The following SGCZ variants were observed in gnomAD, a reference collection of about 807,000 sequenced individuals.
SGCZ encodes the protein zeta-sarcoglycan.
In SGCZ, 40 loss-of-function variants were observed where a neutral mutation model predicts 41.3. The ratio of observed to expected loss-of-function variants is 0.97; its 90% CI spans 0.75 to 1.26. SGCZ has a LOEUF of 1.26. SGCZ is among the 50% of genes most tolerant of loss of function. The probability of loss-of-function intolerance (pLI) is 0.00; values close to 1 mark genes in which losing one functional copy is unlikely to be tolerated. For synonymous variants in SGCZ, 206 were observed against 137.5 expected (o/e 1.50, Z -3.49); for missense variants, 552 against 369.8 (o/e 1.49, Z -4.04).
chr8:14,533,208 T>C (rs907572786), intron 2 of SGCZ, among the ~76,000 whole-genome samples: 1 of 151,252 alleles, frequency 6.6e-6, no homozygotes, highest in Non-Finnish European at 1.5e-5. Flanking sequence ...AGTGTTCTCA[T>C]TGTTCAATTC....
At chr8:14,472,127 C>T (rs1156384101) in intron 2 of SGCZ, among the ~76,000 whole-genome samples, 3 of 152,004 alleles carry the variant, frequency 2.0e-5, no homozygotes, top group African/African-American at 2.4e-5. Flanking sequence ...ATAGGTCTTA[C>T]TATATGAATT....
intron 1 of SGCZ, among the ~76,000 whole-genome samples, chr8:14,794,843 C>T (rs777327802): frequency 2.0e-5 from 3 of 152,140 alleles, no homozygotes; most frequent in African/African-American, 7.2e-5. Flanking sequence ...GATTTCTGAA[C>T]AGGAACACTA....
At chr8:14,934,228 C>G (rs1015886891) in intron 1 of SGCZ, among the ~76,000 whole-genome samples, 1 of 151,706 alleles carries the variant, frequency 6.6e-6, no homozygotes, top group Non-Finnish European at 1.5e-5. Flanking sequence ...AGGGCACCAC[C>G]GCATGAAAAC....
At chr8:15,179,184 G>GGTTATTTATTT (rs1410616681) in intron 1 of SGCZ, among the ~76,000 whole-genome samples, 13 of 152,088 alleles carry the variant, frequency 8.5e-5, no homozygotes, top group Non-Finnish European at 1.5e-5. Flanking sequence ...TTTAAGTAAA[G>GGTTATTTATTT]ATTCTTATTA....
At chr8:14,480,729 T>G (rs1172367935) in intron 2 of SGCZ, among the ~76,000 whole-genome samples, 1 of 152,082 alleles carries the variant, frequency 6.6e-6, no homozygotes, top group Non-Finnish European at 1.5e-5. Context: ...GACTATATTC[T>G]TTATAATGAC....
rs549923204 is a variant in SGCZ, at chr8:14,439,627, TA to T, written c.234+115104del. On this transcript the variant is annotated intron_variant, in intron 2 of 7. Transcript: ENST00000382080. The stretch of plus-strand genomic sequence containing the variant: ...CATGAATGCAAGCTTAGCTCCATAT[TA>T]AAAAAATCAATCAATATAATCCGTA... Among the ~76,000 whole-genome samples, 4 of 151,838 alleles carry T rather than the reference TA, an allele frequency of 2.6e-5. No individual in the cohort carries two copies. In the South Asian group the frequency reaches 8.3e-4, roughly 32 times the overall value.
At chr8:14,364,864 A>T (rs1230026867) in intron 2 of SGCZ, among the ~76,000 whole-genome samples, 2 of 152,122 alleles carry the variant, frequency 1.3e-5, no homozygotes, top group Non-Finnish European at 2.9e-5. Context: ...TCATATAGTC[A>T]AGTCTAACAC....
intron 2 of SGCZ, among the ~76,000 whole-genome samples, chr8:14,336,639 G>C (rs1802516708): frequency 6.6e-6 from 1 of 152,046 alleles, no homozygotes; most frequent in Non-Finnish European, 1.5e-5. Context: ...ATTCTGGCTG[G>C]TGTGAGATGA....
At chr8:15,208,763 G>C (rs940408052) in intron 1 of SGCZ, among the ~76,000 whole-genome samples, 1 of 152,006 alleles carries the variant, frequency 6.6e-6, no homozygotes, top group Non-Finnish European at 1.5e-5. Context: ...TAATGCCTCA[G>C]TTGGCTCACA....
intron 5 of SGCZ, among the ~76,000 whole-genome samples, chr8:14,149,798 A>G (rs902072135): frequency 6.6e-6 from 1 of 152,154 alleles, no homozygotes; most frequent in Non-Finnish European, 1.5e-5. Flanking sequence ...TACAGCAACA[A>G]AAGTAGCATG....
At chr8:15,071,676 G>A (rs568605866) in intron 1 of SGCZ, among the ~76,000 whole-genome samples, 1 of 152,244 alleles carries the variant, frequency 6.6e-6, no homozygotes, top group South Asian at 2.1e-4. Context: ...ATGTAATGGT[G>A]TAATTTTTGT....
At chr8:14,238,598 T>C (rs867693850) in intron 3 of SGCZ, among the ~76,000 whole-genome samples, 1 of 152,234 alleles carries the variant, frequency 6.6e-6, no homozygotes, top group Non-Finnish European at 1.5e-5. Flanking sequence ...ATTAGGCTTC[T>C]GTCATACCTT....
Position 14,343,353 on chromosome 8 carries a change from T to A in SGCZ, c.235-19149A>T, listed in dbSNP as rs992390421. Among the ~76,000 whole-genome samples, 3 of 152,152 alleles carry A rather than the reference T, an allele frequency of 2.0e-5. No individual in the cohort carries two copies. In the South Asian group the frequency reaches 6.2e-4, roughly 32 times the overall value. ...GTAGATCCACTGTCAGCTTGCACCA[T>A]GTGCCTGGAAAAGCCACAGACACTC... On this transcript the variant is annotated intron_variant, in intron 2 of 7. Coordinates refer to ENST00000382080, the MANE Select transcript of SGCZ (RefSeq NM_139167.4).
chr8:14,366,931 C>G (rs1803730352), intron 2 of SGCZ, among the ~76,000 whole-genome samples: 1 of 152,148 alleles, frequency 6.6e-6, no homozygotes, highest in Admixed American at 6.6e-5. Flanking sequence ...TCCCCAACGT[C>G]TTGGAAGTTA....
intron 3 of SGCZ, among the ~76,000 whole-genome samples, chr8:14,303,642 A>G (rs574189266): frequency 2.6e-5 from 4 of 152,114 alleles, no homozygotes; most frequent in East Asian, 3.9e-4. Context: ...TAATTCTTCA[A>G]TGATGACATC....
Position 15,115,454 on chromosome 8 carries a change from T to C in SGCZ, c.39+122131A>G, listed in dbSNP as rs180809220. On this transcript the variant is annotated intron_variant, in intron 1 of 7. Transcript: ENST00000382080. ...GGAAATGGAAACACGGTTTGCCTCC[T>C]GAGAGTCCAGAAACTCAAGACAAAC... Among the ~76,000 whole-genome samples, 227 of 152,318 alleles carry C rather than the reference T, an allele frequency of 1.5e-3. 2 individuals are homozygous for C. The highest frequency in any genetic ancestry group is 2.4e-3 in the Non-Finnish European group (163 of 68,026).
At chr8:14,735,596 G>A (rs961205379) in intron 1 of SGCZ, among the ~76,000 whole-genome samples, 22 of 152,098 alleles carry the variant, frequency 1.4e-4, no homozygotes, top group African/African-American at 5.3e-4. Flanking sequence ...TTTGGACTCA[G>A]CCTGAGCCAC....
At chr8:15,115,802 C>A (rs1265265998) in intron 1 of SGCZ, among the ~76,000 whole-genome samples, 1 of 152,150 alleles carries the variant, frequency 6.6e-6, no homozygotes, top group African/African-American at 2.4e-5. Flanking sequence ...AAGGTTTATT[C>A]AACAATAAAC....
intron 5 of SGCZ, among the ~76,000 whole-genome samples, chr8:14,153,144 TA>T (rs1360691198): frequency 6.6e-6 from 1 of 152,212 alleles, no homozygotes; most frequent in East Asian, 1.9e-4. Context: ...TACAGTTTTA[TA>T]AGATGTTACC....
Sources: allele counts gnomAD v4.1 joint callset (sites outside exome capture counted in the v4.1 genomes callset), GRCh38; gene constraint gnomAD v4.1.1; transcripts MANE v1.5; gene names NCBI Gene and HGNC (gene_info 2026-07-23, HGNC 2026-07-21).